Variants in GUF1 observed in about 807,000 individuals in gnomAD.
GUF1 encodes the protein GTP binding elongation factor GUF1.
In GUF1, 78 loss-of-function variants were observed where a neutral mutation model predicts 82.4. The ratio of observed to expected loss-of-function variants is 0.95; its 90% CI spans 0.79 to 1.14. The LOEUF (loss-of-function observed/expected upper bound fraction) is 1.14, where lower values mean the gene tolerates loss of function less well. Ranked by LOEUF, GUF1 falls within the 50% of genes most tolerant of loss-of-function variation. The pLI, the probability that GUF1 is intolerant of heterozygous loss-of-function variation, is 0.00. For missense variants in GUF1, 814 were observed against 798.2 expected (o/e 1.02, Z -0.24); for synonymous variants, 279 against 282.3 (o/e 0.99, Z 0.12).
Position 44,699,304 on chromosome 4 carries a change from C to A in GUF1, c.*623C>A, listed in dbSNP as rs1388353192. The A allele has an allele frequency of 6.6e-6, 1 of 152,560 alleles. No individual in the cohort carries two copies. Among genetic ancestry groups the A allele is most frequent in the Non-Finnish European group, 1.5e-5 (1 of 68,376 alleles). The allele number at this position is 152,560 out of a possible 1,614,324, so 9.5% of individuals were successfully genotyped here. A position where few individuals can be genotyped will look rare whatever the true frequency, so the allele number is the denominator to read the frequency against. ...CTGCCTCCTGGGTTCAAGAGATTCT[C>A]CTGCCTCAGCCTCCATTACAGGCGT... is the stretch of plus-strand genomic sequence containing the variant. On this transcript the variant is annotated 3_prime_UTR_variant, in exon 17 of 17. Transcript: ENST00000281543.
At chr4:44,689,219 A>C in intron 9 of GUF1, 67 bp from the exon 10 acceptor site, 2 of 1,364,896 alleles carry the variant, frequency 1.5e-6, no homozygotes, top group Non-Finnish European at 1.9e-6. Flanking sequence ...TGGCAGCACT[A>C]CACATGTGGT....
At chr4:44,681,522 AT>A (rs752680794) in intron 4 of GUF1, among the ~76,000 whole-genome samples, 2 of 152,048 alleles carry the variant, frequency 1.3e-5, no homozygotes, top group African/African-American at 2.4e-5. Flanking sequence ...TGAGGTTTCT[AT>A]ATCCATTTTT....
intron 14 of GUF1, 76 bp from the exon 15 acceptor site, chr4:44,695,539 T>C (rs778356162): frequency 7.0e-6 from 9 of 1,276,996 alleles, no homozygotes; most frequent in African/African-American, 1.5e-5. Flanking sequence ...TTTACACTGA[T>C]TATGCAACTG....
At chr4:44,698,287 G>A (rs180806704) in intron 16 of GUF1, among the ~76,000 whole-genome samples, 3 of 152,220 alleles carry the variant, frequency 2.0e-5, no homozygotes, top group African/African-American at 7.2e-5. Context: ...GAATCAGTAA[G>A]GAGATTGATA....
rs1416862827 is a variant in GUF1 at position 44,700,923 on chromosome 4, A to T, written c.*2242A>T. 1.3e-5 allele frequency: 2 copies of T among 152,166 alleles called. No homozygotes were observed. The highest frequency in any genetic ancestry group is 4.8e-5 in the African/African-American group (2 of 41,438). 9.4% of individuals were successfully genotyped at this position (152,166 alleles called of 1,614,324 possible). On this transcript the variant is annotated 3_prime_UTR_variant, in exon 17 of 17. Transcript: ENST00000281543. ...CAGTATTTGAAATTAAAAAATTGTA[A>T]AAGTGTTCTGTTCTATCACTGCCAA...
Position 44,700,062 on chromosome 4 carries a change from A to G in GUF1, c.*1381A>G, listed in dbSNP as rs1716125127. The stretch of plus-strand genomic sequence containing the variant: ...GCAAGACAACATCATTTAGCCATTG[A>G]TTTTTATCTTCTACCTTGAATGAAT... On this transcript the variant is annotated 3_prime_UTR_variant, in exon 17 of 17. Transcript: ENST00000281543. 1 of 152,192 alleles carries G rather than the reference A, an allele frequency of 6.6e-6. No homozygotes were observed. Among genetic ancestry groups the G allele is most frequent in the Non-Finnish European group, 1.5e-5 (1 of 68,032 alleles). 9.4% of individuals were successfully genotyped at this position (152,192 alleles called of 1,614,324 possible). A position where few individuals can be genotyped will look rare whatever the true frequency, so the allele number is the denominator to read the frequency against.
In GUF1 at chr4:44,683,328, G is replaced by A. The variant is rs776743226; in HGVS notation, c.669+10G>A. On this transcript the variant is annotated intron_variant, in intron 6 of 16. Transcript: ENST00000281543. ...TGATGAATGTATTAAGGTAAAATAC[G>A]TTCCTAAAAAGATTATACTTTGAAA... The A allele has an allele frequency of 3.0e-5, 43 of 1,455,526 alleles. No homozygotes were observed. Among genetic ancestry groups the A allele is most frequent in the Non-Finnish European group, 3.7e-5 (40 of 1,071,386 alleles). 90.2% of individuals were successfully genotyped at this position (1,455,526 alleles called of 1,614,324 possible).
At chr4:44,685,368 G>A (rs1352919810) in intron 6 of GUF1, among the ~76,000 whole-genome samples, 1 of 152,088 alleles carries the variant, frequency 6.6e-6, no homozygotes, top group Admixed American at 6.6e-5. Flanking sequence ...CAGTAGGGCT[G>A]AAACTGAGAA....
chr4:44,694,797 G>A, intron 14 of GUF1, among the ~76,000 whole-genome samples: 1 of 150,986 alleles, frequency 6.6e-6, no homozygotes, highest in African/African-American at 2.4e-5. Flanking sequence ...TTGGGAACAA[G>A]TTTTTTTGTT....
rs755864442 is a variant in GUF1 at position 44,689,848 on chromosome 4, G to C, written c.1208G>C (p.Gly403Ala). The C allele has an allele frequency of 6.3e-5, 100 of 1,599,478 alleles. No individual in the cohort carries two copies. The highest frequency in any genetic ancestry group is 3.3e-4 in the Middle Eastern group (2 of 6,006). Residue 403 changes from glycine (G) to alanine (A), a missense_variant, in exon 11 of 17, where the codon GGA becomes GCA. Gly to Ala is a moderately conservative substitution (Grantham distance 60, BLOSUM62 0). Transcript: ENST00000281543. Reference sequence around the variant, plus strand: ...TTTGTCTTTTCCTCCCCCAGGCTAGGATTTCTTGGACTTTTGCACATGGAA... The same window carrying C: ...TTTGTCTTTTCCTCCCCCAGGCTAGCATTTCTTGGACTTTTGCACATGGAA... ...SLALGAGWRL[G>A]FLGLLHMEVF... is the part of the protein sequence containing the mutation.
chr4:44,692,754 TTTC>T (rs1421460265), intron 13 of GUF1, among the ~76,000 whole-genome samples: 4 of 152,136 alleles, frequency 2.6e-5, no homozygotes, highest in Middle Eastern at 6.8e-3. Flanking sequence ...CACCCAGTTT[TTTC>T]TTCTTCTATG....
chr4:44,684,141 T>A (rs755937685), intron 6 of GUF1, among the ~76,000 whole-genome samples: 8 of 152,056 alleles, frequency 5.3e-5, no homozygotes, highest in Non-Finnish European at 1.0e-4. Context: ...GAAGTAAGCA[T>A]AGGAATTATT....
chr4:44,694,589 C>T, intron 14 of GUF1, 76 bp downstream of exon 14: 1 of 939,530 alleles, frequency 1.1e-6, no homozygotes, highest in Non-Finnish European at 1.6e-6. Context: ...GTTTGAGCAG[C>T]TGCATTTAAA....
At chr4:44,695,582 G>C in intron 14 of GUF1, 33 bp from the exon 15 acceptor site, 1 of 1,574,052 alleles carries the variant, frequency 6.4e-7, no homozygotes, top group South Asian at 1.2e-5. Flanking sequence ...TTCTTATTTA[G>C]GATATATAAA....
chr4:44,681,261 A>T, intron 4 of GUF1, 58 bp downstream of exon 4: 1 of 1,251,032 alleles, frequency 8.0e-7, no homozygotes, highest in Non-Finnish European at 1.2e-6. Flanking sequence ...TTGTTTCAAG[A>T]GTTTTTCTTT....
Position 44,686,026 on chromosome 4 carries a change from G to T in GUF1, c.734+3G>T. ...GCAATTATTGAAAGAATCCCCCCGT[G>T]AGTATTTGGTGATTTTTGTACTAGT... is the stretch of plus-strand genomic sequence containing the variant. On this transcript the variant is annotated splice_donor_region_variant and intron_variant, in intron 7 of 16. Coordinates refer to ENST00000281543, the MANE Select transcript of GUF1 (RefSeq NM_021927.3). 6.3e-7 allele frequency: 1 copy of T among 1,594,536 alleles called. No homozygotes were observed. The highest frequency in any genetic ancestry group is 1.1e-5 in the South Asian group (1 of 90,612).
At chr4:44,696,346 C>A (rs770314548) in intron 15 of GUF1, among the ~76,000 whole-genome samples, 11 of 152,232 alleles carry the variant, frequency 7.2e-5, no homozygotes, top group Non-Finnish European at 1.6e-4. Context: ...ATTCTGTGAT[C>A]CCAACTACTT....
rs566616981 is a variant in GUF1, at chr4:44,678,542, C to CG, written c.-75dup. The CG allele has an allele frequency of 3.0e-4, 342 of 1,156,586 alleles. 2 individuals are homozygous for CG. The African/African-American group carries it at 4.6e-3, about 16-fold the overall frequency. The allele number at this position is 1,156,586 out of a possible 1,614,324, so 71.6% of individuals were successfully genotyped here. On this transcript the variant is annotated 5_prime_UTR_variant, in exon 1 of 17. Coordinates refer to ENST00000281543, the MANE Select transcript of GUF1 (RefSeq NM_021927.3). ...TTTGAGTCCTGTCCACCGGATCCTA[C>CG]GGGGGGTACCTTCGAAAAAAAACGG...
At chr4:44,695,847 G>C in intron 15 of GUF1, 113 bp downstream of exon 15, 1 of 1,037,264 alleles carries the variant, frequency 9.6e-7, no homozygotes, top group East Asian at 2.5e-5. Flanking sequence ...CTTACTTGTA[G>C]AAACAGTATG....
Sources: allele counts gnomAD v4.1 joint callset (sites outside exome capture counted in the v4.1 genomes callset), GRCh38; gene constraint gnomAD v4.1.1; transcripts MANE v1.5; gene names NCBI Gene and HGNC (gene_info 2026-07-23, HGNC 2026-07-21).